The following GTF2E2 variants were observed in gnomAD, a reference collection of about 807,000 sequenced individuals.
GTF2E2 encodes the protein general transcription factor IIE subunit 2.
GTF2E2 carries 21 observed loss-of-function variants against 40.5 expected under a neutral mutation model. The ratio of observed to expected loss-of-function variants is 0.52; its 90% confidence interval spans 0.37 to 0.75. The LOEUF is 0.75. GTF2E2 is among the 30% of genes least tolerant of loss of function. GTF2E2 has a pLI of 0.00. For missense variants in GTF2E2, 298 were observed against 338.4 expected, an observed-to-expected ratio of 0.88 and a Z score of 0.94; for synonymous variants, 117 against 121.6, an observed-to-expected ratio of 0.96 and a Z score of 0.25.
At chr8:30,643,840 T>C (rs1416087457) in intron 2 of GTF2E2, 5 of 152,002 alleles carry the variant, frequency 3.3e-5, no homozygotes, top group Non-Finnish European at 7.4e-5. Flanking sequence ...ATGGGGTTCA[T>C]ACTACTTTGT....
intron 2 of GTF2E2, among the ~76,000 whole-genome samples, chr8:30,649,523 G>GGAGAA (rs1802200848): frequency 6.6e-6 from 1 of 152,084 alleles, no homozygotes; most frequent in Non-Finnish European, 1.5e-5. Context: ...AAGAAAAAAG[G>GGAGAA]GAGAAAAGAC....
intron 3 of GTF2E2, among the ~76,000 whole-genome samples, chr8:30,622,795 G>A (rs1267880646): frequency 6.6e-6 from 1 of 152,066 alleles, no homozygotes; most frequent in East Asian, 1.9e-4. Flanking sequence ...ATTTGCTTTT[G>A]AAAGAAAAGA....
intron 7 of GTF2E2, among the ~76,000 whole-genome samples, chr8:30,579,417 G>A (rs1828444372): frequency 6.6e-6 from 1 of 152,168 alleles, no homozygotes; most frequent in African/African-American, 2.4e-5. Flanking sequence ...TGAGAAAGGA[G>A]GAGCACATGA....
At chr8:30,623,671 G>C (rs1801179931) in intron 3 of GTF2E2, among the ~76,000 whole-genome samples, 1 of 151,908 alleles carries the variant, frequency 6.6e-6, no homozygotes, top group Non-Finnish European at 1.5e-5. Flanking sequence ...ATCCTCTCCA[G>C]CACCTGTTGT....
chr8:30,642,296 CAAA>C (rs33951211), intron 2 of GTF2E2, among the ~76,000 whole-genome samples: 1 of 129,904 alleles, frequency 7.7e-6, no homozygotes, highest in African/African-American at 2.8e-5. Context: ...GGAGAAAAGC[CAAA>C]AAAAAAAAAA....
At chr8:30,625,262 G>GAGAT (rs1484228614) in intron 3 of GTF2E2, among the ~76,000 whole-genome samples, 2 of 151,950 alleles carry the variant, frequency 1.3e-5, no homozygotes, top group African/African-American at 4.8e-5. Context: ...TGCATCTACT[G>GAGAT]AGATAATCAT....
At chr8:30,601,785 T>C (rs1451042780) in intron 6 of GTF2E2, among the ~76,000 whole-genome samples, 1 of 152,222 alleles carries the variant, frequency 6.6e-6, no homozygotes, top group Non-Finnish European at 1.5e-5. Context: ...ATTATTAACC[T>C]TGATAAATCA....
At chr8:30,622,426 T>C (rs1801133911) in intron 3 of GTF2E2, among the ~76,000 whole-genome samples, 3 of 128,952 alleles carry the variant, frequency 2.3e-5, no homozygotes, top group Admixed American at 2.2e-4. Flanking sequence ...GATCATGTGC[T>C]TCACAAGATA....
At chr8:30,646,126 G>GA (rs1802063729) in intron 2 of GTF2E2, 1 of 152,050 alleles carries the variant, frequency 6.6e-6, no homozygotes. Context: ...GGATTAGTAT[G>GA]AAAAAGTCTC....
intron 6 of GTF2E2, among the ~76,000 whole-genome samples, chr8:30,595,787 G>A (rs1249624525): frequency 6.6e-6 from 1 of 151,742 alleles, no homozygotes; most frequent in African/African-American, 2.4e-5. Context: ...AGCCAAGATT[G>A]CACCACTGCA....
rs562672411 is a variant in GTF2E2 at position 30,628,968 on chromosome 8, T to C, written c.258+6064A>G. Reference sequence around the variant, plus strand: ...AAAAAATTTTACCAGCAACTTTTTCTATATCCACTAAGAGATCATGATTTT... The same window carrying C: ...AAAAAATTTTACCAGCAACTTTTTCCATATCCACTAAGAGATCATGATTTT... On this transcript the variant is annotated intron_variant, in intron 3 of 7. Transcript: ENST00000355904. Among the ~76,000 whole-genome samples, 175 of 152,214 alleles carry C rather than the reference T, an allele frequency of 1.1e-3. 1 individual carries two copies. Among genetic ancestry groups the C allele is most frequent in the Non-Finnish European group, 2.0e-3 (137 of 67,996 alleles).
intron 4 of GTF2E2, among the ~76,000 whole-genome samples, chr8:30,613,777 T>C (rs536475128): frequency 6.6e-5 from 10 of 152,384 alleles, no homozygotes; most frequent in African/African-American, 2.4e-4. Context: ...AATCTATCTC[T>C]GGTCCTAGAA....
chr8:30,630,901 C>T (rs1467386256), intron 3 of GTF2E2, among the ~76,000 whole-genome samples: 2 of 152,078 alleles, frequency 1.3e-5, no homozygotes, highest in Admixed American at 6.6e-5. Context: ...AACAACCATT[C>T]CCCCTACACC....
chr8:30,621,977 TA>T (rs60250564), intron 3 of GTF2E2, among the ~76,000 whole-genome samples: 55,643 of 144,256 alleles, frequency 0.39, 10,894 homozygotes, highest in African/African-American at 0.55. Flanking sequence ...TATATATATA[TA>T]TTTTTTTATT....
At chr8:30,605,170 T>C (rs1201853292) in intron 6 of GTF2E2, among the ~76,000 whole-genome samples, 2 of 152,226 alleles carry the variant, frequency 1.3e-5, no homozygotes, top group Non-Finnish European at 2.9e-5. Flanking sequence ...ACAGACATGC[T>C]ACACTATGCT....
At chr8:30,627,016 TA>T (rs1801297004) in intron 3 of GTF2E2, among the ~76,000 whole-genome samples, 1 of 152,154 alleles carries the variant, frequency 6.6e-6, no homozygotes, top group African/African-American at 2.4e-5. Flanking sequence ...ATTTATTGTC[TA>T]AAAAGGGGGT....
chr8:30,605,633 T>C (rs1225944995), intron 6 of GTF2E2, among the ~76,000 whole-genome samples: 1 of 152,168 alleles, frequency 6.6e-6, no homozygotes, highest in South Asian at 2.1e-4. Context: ...AGATTTTTTT[T>C]TTTTTGAGCT....
intron 3 of GTF2E2, among the ~76,000 whole-genome samples, chr8:30,634,571 A>G (rs1801529864): frequency 6.6e-6 from 1 of 152,242 alleles, no homozygotes; most frequent in Admixed American, 6.5e-5. Context: ...TTGTGAGTCA[A>G]TGTTTTTCTA....
intron 7 of GTF2E2, among the ~76,000 whole-genome samples, chr8:30,579,992 C>T (rs985015581): frequency 6.6e-6 from 1 of 152,160 alleles, no homozygotes; most frequent in Non-Finnish European, 1.5e-5. Flanking sequence ...GGGCTTGTAG[C>T]AGCTTAGAGT....
Sources: gnomAD v4.1 joint callset for allele counts (sites outside exome capture counted in the v4.1 genomes callset) on GRCh38, gnomAD v4.1.1 for gene constraint, MANE v1.5 for transcripts, NCBI Gene and HGNC (gene_info 2026-07-23, HGNC 2026-07-21) for gene names.